Variants in TNFRSF12A observed in about 807,000 individuals in gnomAD.
TNFRSF12A encodes tumor necrosis factor receptor superfamily member 12A.
TNFRSF12A carries 13 observed loss-of-function variants against 15.5 expected under a neutral mutation model. The ratio of observed to expected loss-of-function variants is 0.84; its 90% CI spans 0.54 to 1.33. The LOEUF is 1.33. Among genes scored for constraint, TNFRSF12A ranks in the 40% most tolerant of loss-of-function variants. The pLI is 0.00. For missense variants in TNFRSF12A, 174 were observed against 173.6 expected (o/e 1.00, Z -0.01); for synonymous variants, 89 against 78.4 (o/e 1.14, Z -0.71).
chr16:3,020,570 C>A (rs1410436059), intron 1 of TNFRSF12A, 79 bp downstream of exon 1: 1 of 1,072,130 alleles, frequency 9.3e-7, no homozygotes, highest in African/African-American at 1.6e-5. Context: ...CAGCGCCGAA[C>A]TGGGGGAACA....
chr16:3,021,541 A>C lies in TNFRSF12A; in HGVS notation c.200-14A>C, dbSNP rs781496336. The C allele has an allele frequency of 1.6e-5, 26 of 1,591,294 alleles. No individual in the cohort carries two copies. The highest frequency in any genetic ancestry group is 5.4e-5 in the African/African-American group (4 of 74,428). On this transcript the variant is annotated splice_polypyrimidine_tract_variant and intron_variant, in intron 2 of 3. Coordinates refer to ENST00000326577, the MANE Select transcript of TNFRSF12A (RefSeq NM_016639.3). The stretch of plus-strand genomic sequence containing the variant: ...TGGAGAGGGGCGAGGTCTGACTCCG[A>C]GTCCCGCCCCCAGGCGCTGCAGCAC...
chr16:3,021,173 C>G (rs751114840), intron 1 of TNFRSF12A, 42 bp from the exon 2 acceptor site: 3 of 1,109,806 alleles, frequency 2.7e-6, no homozygotes, highest in East Asian at 2.6e-5. Flanking sequence ...CCAGAATAGC[C>G]GAGTCCCGCC....
At chr16:3,021,094 T>A (rs2072606214) in intron 1 of TNFRSF12A, 121 bp from the exon 2 acceptor site, 1 of 570,494 alleles carries the variant, frequency 1.8e-6, no homozygotes, top group Admixed American at 3.7e-5. Flanking sequence ...TGCGGTCACC[T>A]GTGAGGAATG....
rs1596469658 is a variant in TNFRSF12A, at chr16:3,020,369, C to T, written c.-29C>T. The T allele has an allele frequency of 7.8e-7, 1 of 1,283,124 alleles. No individual in the cohort carries two copies. The highest frequency in any genetic ancestry group is 9.9e-7 in the Non-Finnish European group (1 of 1,014,312). 79.5% of individuals were successfully genotyped at this position (1,283,124 alleles called of 1,614,324 possible). Reference sequence around the variant, plus strand: ...GGTCCCTGCCGGCCGGCGGCGGGCGCAGACAGCGGCGGGCGCAGGACGTGC... The same window carrying T: ...GGTCCCTGCCGGCCGGCGGCGGGCGTAGACAGCGGCGGGCGCAGGACGTGC... On this transcript the variant is annotated 5_prime_UTR_variant, in exon 1 of 4. Coordinates refer to ENST00000326577, the MANE Select transcript of TNFRSF12A (RefSeq NM_016639.3).
rs745753131 is a variant in TNFRSF12A, at chr16:3,021,862, A to C, written c.*36A>C. 2.5e-6 allele frequency: 4 copies of C among 1,604,972 alleles called. No homozygotes were observed. In the Middle Eastern group the frequency reaches 5.0e-4, roughly 200 times the overall value. The stretch of plus-strand genomic sequence containing the variant: ...CCTGCCAGCCGGGGCTCGCCCACTC[A>C]TCATTCATTCATCCATTCTAGAGCC... On this transcript the variant is annotated 3_prime_UTR_variant, in exon 4 of 4. Transcript: ENST00000326577.
In TNFRSF12A at chr16:3,021,153, A is replaced by G. The variant is rs1420214308; in HGVS notation, c.95-62A>G. 5.7e-6 allele frequency: 5 copies of G among 884,316 alleles called. No homozygotes were observed. In the South Asian group the frequency reaches 8.9e-5, roughly 16 times the overall value. 54.8% of individuals were successfully genotyped at this position (884,316 alleles called of 1,614,324 possible). On this transcript the variant is annotated intron_variant, in intron 1 of 3. Transcript: ENST00000326577. ...ACGTTATTCGAGCCGGCCGACCCTG[A>G]CCTCAGACCCCAGAATAGCCGAGTC...
At chr16:3,021,356 A>G (rs1031727366) in intron 2 of TNFRSF12A, 37 bp downstream of exon 2, 9 of 1,509,414 alleles carry the variant, frequency 6.0e-6, no homozygotes, top group Non-Finnish European at 8.0e-6. Context: ...AGCGGACCCC[A>G]GACTGGGAGG....
At chr16:3,020,744 C>A (rs1338428465) in intron 1 of TNFRSF12A, 2 of 399,550 alleles carry the variant, frequency 5.0e-6, no homozygotes, top group Admixed American at 4.4e-5. Context: ...CGAAGTACTT[C>A]GAATGGAGAG....
intron 1 of TNFRSF12A, chr16:3,020,900 G>T (rs1293780932): frequency 2.2e-6 from 1 of 462,764 alleles, no homozygotes; most frequent in Non-Finnish European, 3.8e-6. Context: ...ACCATGTGGG[G>T]TGCCCCCTTC....
rs2072613382 is a variant in TNFRSF12A at position 3,021,677 on chromosome 16, G to A, written c.322G>A (p.Glu108Lys). Reference sequence around the variant, plus strand: ...GGTCTGGAGACGATGCCGCAGGAGAGAGAAGTTCACCAGTAAGTGTGCCCT... The same window carrying A: ...GGTCTGGAGACGATGCCGCAGGAGAAAGAAGTTCACCAGTAAGTGTGCCCT... ...FLVWRRCRRR[E>K]KFTTPIEETG... is the part of the protein sequence containing the mutation. The change falls in exon 3 of 4, where the codon GAG (glutamate) becomes AAG (lysine). Residue 108 changes from glutamate to lysine, a missense_variant. Transcript: ENST00000326577. 3 of 1,613,740 alleles carry A rather than the reference G, an allele frequency of 1.9e-6. No individual in the cohort carries two copies. The highest frequency in any genetic ancestry group is 2.5e-6 in the Non-Finnish European group (3 of 1,179,914).
At position 3,021,871 on chromosome 16, in the gene TNFRSF12A, T is replaced by A. The variant is rs376412855; in HGVS notation, c.*45T>A. On this transcript the variant is annotated 3_prime_UTR_variant, in exon 4 of 4. Transcript: ENST00000326577. ...CGGGGCTCGCCCACTCATCATTCAT[T>A]CATCCATTCTAGAGCCAGTCTCTGC... 183 of 1,599,324 alleles carry A rather than the reference T, an allele frequency of 1.1e-4. No individual in the cohort carries two copies. The highest frequency in any genetic ancestry group is 1.5e-4 in the Non-Finnish European group (171 of 1,173,904).
In TNFRSF12A at chr16:3,020,511, C is replaced by T. The variant is rs750096247; in HGVS notation, c.94+20C>T. ...CGCCAGGTACGCGGGACTCCGGGGT[C>T]GGGGAACCCCGGGCCGGGGCTCGGG... On this transcript the variant is annotated intron_variant, in intron 1 of 3. Transcript: ENST00000326577. 5.5e-6 allele frequency: 7 copies of T among 1,280,350 alleles called. No homozygotes were observed. In the South Asian group the frequency reaches 1.7e-4, roughly 31 times the overall value. The allele number at this position is 1,280,350 out of a possible 1,614,324, so 79.3% of individuals were successfully genotyped here.
Position 3,021,985 on chromosome 16 carries a change from G to A in TNFRSF12A, c.*159G>A, listed in dbSNP as rs773761963. On this transcript the variant is annotated 3_prime_UTR_variant, in exon 4 of 4. Coordinates refer to ENST00000326577, the MANE Select transcript of TNFRSF12A (RefSeq NM_016639.3). ...CTCTGAGGCCTGGGCCCAGGGTTCA[G>A]GGGAACCTTCCAAGGTGTCTGGTTG... 12 of 746,776 alleles carry A rather than the reference G, an allele frequency of 1.6e-5. 1 individual carries two copies. The highest frequency in any genetic ancestry group is 2.5e-5 in the Non-Finnish European group (12 of 471,506). 46.3% of individuals were successfully genotyped at this position (746,776 alleles called of 1,614,324 possible). A position where few individuals can be genotyped will look rare whatever the true frequency, so the allele number is the denominator to read the frequency against.
In TNFRSF12A at chr16:3,021,281, C is replaced by T; in HGVS notation, c.161C>T (p.Ser54Phe). ...ADLDKCMDCA[S>F]CRARPHSDFC... Reference sequence around the variant, plus strand: ...CTGGACAAGTGCATGGACTGCGCGTCTTGCAGGGCGCGACCGCACAGCGAC... The same window carrying T: ...CTGGACAAGTGCATGGACTGCGCGTTTTGCAGGGCGCGACCGCACAGCGAC... The change falls in exon 2 of 4, where the codon TCT becomes TTT. Residue 54 changes from serine (S) to phenylalanine (F), a missense_variant. By Grantham distance (155) the Ser-to-Phe change is radical. Coordinates refer to ENST00000326577, the MANE Select transcript of TNFRSF12A (RefSeq NM_016639.3). 6.3e-7 allele frequency: 1 copy of T among 1,589,854 alleles called. No individual in the cohort carries two copies.
intron 1 of TNFRSF12A, chr16:3,020,896 T>C: frequency 6.5e-6 from 3 of 460,570 alleles, no homozygotes; most frequent in Non-Finnish European, 1.1e-5. Context: ...CTATACCATG[T>C]GGGGTGCCCC....
chr16:3,022,076 AC>A lies in TNFRSF12A; in HGVS notation c.*251del. 2 of 515,760 alleles carry A rather than the reference AC, an allele frequency of 3.9e-6. No individual in the cohort carries two copies. The highest frequency in any genetic ancestry group is 6.6e-5 in the East Asian group (2 of 30,324). The allele number at this position is 515,760 out of a possible 1,614,324, so 31.9% of individuals were successfully genotyped here. A position where few individuals can be genotyped will look rare whatever the true frequency, so the allele number is the denominator to read the frequency against. On this transcript the variant is annotated 3_prime_UTR_variant, in exon 4 of 4. Transcript: ENST00000326577. Reference sequence around the variant, plus strand: ...GGCTCACACAAAACAGCTGACACTGACTAAGGAACTGCAGCATTTGCACAGG... The same window carrying A: ...GGCTCACACAAAACAGCTGACACTGATAAGGAACTGCAGCATTTGCACAGG...
Position 3,021,240 on chromosome 16 carries a change from C to CT in TNFRSF12A, c.121dup (p.Ser41PhefsTer133). 1 of 1,587,752 alleles carries CT rather than the reference C, an allele frequency of 6.3e-7. No individual in the cohort carries two copies. The highest frequency in any genetic ancestry group is 1.8e-5 in the Admixed American group (1 of 57,076). The stretch of plus-strand genomic sequence containing the variant: ...GCACCGCCCCCTGCTCCCGCGGCAG[C>CT]TCCTGGAGCGCGGACCTGGACAAGT... On this transcript the variant is annotated frameshift_variant, in exon 2 of 4. Coordinates refer to ENST00000326577, the MANE Select transcript of TNFRSF12A (RefSeq NM_016639.3). LOFTEE classifies it high-confidence loss of function.
In TNFRSF12A at chr16:3,020,489, C is replaced by G. The variant is rs768140069; in HGVS notation, c.92C>G (p.Pro31Arg). ...CGCTCCGTGGCCGGGGAGCAAGCGC[C>G]AGGTACGCGGGACTCCGGGGTCGGG... Reference protein sequence around the residue: ...LLRSVAGEQAPGTAPCSRGSS... With the variant: ...LLRSVAGEQARGTAPCSRGSS... The change falls in exon 1 of 4, where the codon CCA (proline) becomes CGA (arginine). Residue 31 changes from proline to arginine, a missense_variant and splice_region_variant. Transcript: ENST00000326577. 1 of 1,293,116 alleles carries G rather than the reference C, an allele frequency of 7.7e-7. No individual in the cohort carries two copies. The highest frequency in any genetic ancestry group is 9.8e-7 in the Non-Finnish European group (1 of 1,019,282). 80.1% of individuals were successfully genotyped at this position (1,293,116 alleles called of 1,614,324 possible). A position where few individuals can be genotyped will look rare whatever the true frequency, so the allele number is the denominator to read the frequency against.
intron 1 of TNFRSF12A, 48 bp downstream of exon 1, chr16:3,020,539 C>A: frequency 8.1e-7 from 1 of 1,228,304 alleles, no homozygotes; most frequent in Non-Finnish European, 1.0e-6. Context: ...GGCTCGGGAG[C>A]CGGACTGGGT....
Sources: gnomAD v4.1 joint callset for allele counts on GRCh38, gnomAD v4.1.1 for gene constraint, MANE v1.5 for transcripts, NCBI Gene and HGNC (gene_info 2026-07-23, HGNC 2026-07-21) for gene names.